ST8SIA3: variants seen among roughly 807,000 people sequenced by gnomAD.
ST8SIA3 encodes ST8 alpha-N-acetyl-neuraminide alpha-2,8-sialyltransferase 3.
A neutral mutation model predicts 34.5 loss-of-function variants in ST8SIA3; 17 were observed. That is an observed-to-expected ratio of 0.49 (90% CI 0.34 to 0.74). The LOEUF (loss-of-function observed/expected upper bound fraction) is 0.74, where lower values mean the gene tolerates loss of function less well. Among genes scored for constraint, ST8SIA3 ranks in the 30% least tolerant of loss-of-function variants. ST8SIA3 has a pLI of 0.01. For missense variants in ST8SIA3, 354 were observed against 467.8 expected (o/e 0.76, Z 2.24); for synonymous variants, 172 against 176.1 (o/e 0.98, Z 0.19).
At chr18:57,353,074 G>C (rs1275511445) in intron 1 of ST8SIA3, 49 bp downstream of exon 1, 3 of 1,586,224 alleles carry the variant, frequency 1.9e-6, no homozygotes, top group African/African-American at 2.7e-5. Flanking sequence ...GGTTGATGGG[G>C]TGTTTGGGGA....
intron 2 of ST8SIA3, among the ~76,000 whole-genome samples, chr18:57,354,873 A>T (rs151027086): frequency 6.1e-4 from 93 of 151,906 alleles, no homozygotes; most frequent in African/African-American, 2.1e-3. Context: ...AAAAAAACAG[A>T]CAAAAGGTTA....
In ST8SIA3 at chr18:57,367,534, A is replaced by AC. The variant is rs2144215260; in HGVS notation, c.*7259dup. 6.5e-6 allele frequency: 1 copy of AC among 152,708 alleles called. No individual in the cohort carries two copies. Among genetic ancestry groups the AC allele is most frequent in the East Asian group, 1.9e-4 (1 of 5,182 alleles). 9.5% of individuals were successfully genotyped at this position (152,708 alleles called of 1,614,324 possible). A position where few individuals can be genotyped will look rare whatever the true frequency, so the allele number is the denominator to read the frequency against. On this transcript the variant is annotated 3_prime_UTR_variant, in exon 4 of 4. Transcript: ENST00000324000. ...GCCTTGTTTTATTATGAACAAATTC[A>AC]CCAGAAAACCATTCTTGAGGAACCA...
chr18:57,367,595 A>G lies in ST8SIA3; in HGVS notation c.*7318A>G, dbSNP rs975951106. 6.6e-6 allele frequency: 1 copy of G among 152,434 alleles called. No individual in the cohort carries two copies. Among genetic ancestry groups the G allele is most frequent in the African/African-American group, 2.4e-5 (1 of 41,456 alleles). 9.4% of individuals were successfully genotyped at this position (152,434 alleles called of 1,614,324 possible). A position where few individuals can be genotyped will look rare whatever the true frequency, so the allele number is the denominator to read the frequency against. Reference sequence around the variant, plus strand: ...TAGCATTTTTAGTCTTAGGGAAGAAAATTGGCAGGGAAGAAAAATTGGCAG... The same window carrying G: ...TAGCATTTTTAGTCTTAGGGAAGAAGATTGGCAGGGAAGAAAAATTGGCAG... On this transcript the variant is annotated 3_prime_UTR_variant, in exon 4 of 4. Coordinates refer to ENST00000324000, the MANE Select transcript of ST8SIA3 (RefSeq NM_015879.3).
chr18:57,356,266 TTCAAC>T (rs543902022), intron 2 of ST8SIA3, among the ~76,000 whole-genome samples: 14 of 152,236 alleles, frequency 9.2e-5, no homozygotes, highest in Non-Finnish European at 1.9e-4. Context: ...ATTAGATTTA[TTCAAC>T]TAAATTGTGT....
chr18:57,361,999 C>T lies in ST8SIA3; in HGVS notation c.*1722C>T, dbSNP rs1180529576. On this transcript the variant is annotated 3_prime_UTR_variant, in exon 4 of 4. Transcript: ENST00000324000. ...CACGTTCTGCCTGGTCCTAAACCTGCCTTATTATTATTTTCAGAAAGCAAT... is the reference window on the plus strand; with the variant it reads ...CACGTTCTGCCTGGTCCTAAACCTGTCTTATTATTATTTTCAGAAAGCAAT... The T allele has an allele frequency of 6.6e-6, 1 of 152,106 alleles. No individual in the cohort carries two copies. Among genetic ancestry groups the T allele is most frequent in the African/African-American group, 2.4e-5 (1 of 41,400 alleles). The allele number at this position is 152,106 out of a possible 1,614,324, so 9.4% of individuals were successfully genotyped here. A position where few individuals can be genotyped will look rare whatever the true frequency, so the allele number is the denominator to read the frequency against.
At position 57,352,851 on chromosome 18, in the gene ST8SIA3, G is replaced by T; in HGVS notation, c.5G>T (p.Arg2Ile). Residue 2 changes from arginine to isoleucine, a missense_variant, in exon 1 of 4, where the codon AGA becomes ATA. Coordinates refer to ENST00000324000, the MANE Select transcript of ST8SIA3 (RefSeq NM_015879.3). ...CTGAACCCAGCCCAGCCCGGGATGA[G>T]AAACTGCAAAATGGCCCGGGTCGCC... M[R>I]NCKMARVASV... 1 of 1,613,500 alleles carries T rather than the reference G, an allele frequency of 6.2e-7. No homozygotes were observed. Among genetic ancestry groups the T allele is most frequent in the South Asian group, 1.1e-5 (1 of 91,044 alleles).
intron 2 of ST8SIA3, among the ~76,000 whole-genome samples, chr18:57,355,009 C>G (rs933410588): frequency 1.3e-5 from 2 of 152,176 alleles, no homozygotes; most frequent in African/African-American, 4.8e-5. Flanking sequence ...TCAAATTACT[C>G]GTGAAAATGC....
Position 57,367,248 on chromosome 18 carries a change from G to A in ST8SIA3, c.*6971G>A, listed in dbSNP as rs1445349521. 6.6e-6 allele frequency: 1 copy of A among 152,220 alleles called. No homozygotes were observed. Among genetic ancestry groups the A allele is most frequent in the East Asian group, 1.9e-4 (1 of 5,198 alleles). The allele number at this position is 152,220 out of a possible 1,614,324, so 9.4% of individuals were successfully genotyped here. ...TAAACTGTAAATGCTTGAAACGCAA[G>A]TTGGACATTTTCTATACTATGTGTA... On this transcript the variant is annotated 3_prime_UTR_variant, in exon 4 of 4. Transcript: ENST00000324000.
Position 57,367,308 on chromosome 18 carries a change from TA to T in ST8SIA3, c.*7033del, listed in dbSNP as rs2144214993. On this transcript the variant is annotated 3_prime_UTR_variant, in exon 4 of 4. Coordinates refer to ENST00000324000, the MANE Select transcript of ST8SIA3 (RefSeq NM_015879.3). ...GTTATACCTCTATTTTCTTTCTTCCTAATGGTCATTGAAATGAGCTTGTTTC... is the reference window on the plus strand; with the variant it reads ...GTTATACCTCTATTTTCTTTCTTCCTATGGTCATTGAAATGAGCTTGTTTC... 6.6e-6 allele frequency: 1 copy of T among 152,502 alleles called. No homozygotes were observed. Among genetic ancestry groups the T allele is most frequent in the South Asian group, 2.1e-4 (1 of 4,830 alleles). The allele number at this position is 152,502 out of a possible 1,614,324, so 9.4% of individuals were successfully genotyped here.
Position 57,368,703 on chromosome 18 carries a change from T to C in ST8SIA3, c.*8426T>C, listed in dbSNP as rs2049874866. On this transcript the variant is annotated 3_prime_UTR_variant, in exon 4 of 4. Transcript: ENST00000324000. ...ACAGAGACCCAAGAGAAGCCAGCAC[T>C]GCTAGACTGAGGAACTTGTAAATAT... The C allele has an allele frequency of 6.6e-6, 1 of 152,176 alleles. No homozygotes were observed. The highest frequency in any genetic ancestry group is 6.5e-5 in the Admixed American group (1 of 15,276). The allele number at this position is 152,176 out of a possible 1,614,324, so 9.4% of individuals were successfully genotyped here.
chr18:57,358,851 C>T (rs1026937680), intron 3 of ST8SIA3, among the ~76,000 whole-genome samples: 9 of 152,182 alleles, frequency 5.9e-5, no homozygotes, highest in South Asian at 2.1e-4. Context: ...TATTTTGCTC[C>T]CCTTTTGTTC....
At position 57,352,732 on chromosome 18, in the gene ST8SIA3, TCACACACA is replaced by T. The variant is rs59006823; in HGVS notation, c.-84_-77del. 0.019 allele frequency: 7,291 copies of T among 389,528 alleles called. 142 individuals are homozygous for T. The highest frequency in any genetic ancestry group is 0.073 in the African/African-American group (2,800 of 38,380). 24.1% of individuals were successfully genotyped at this position (389,528 alleles called of 1,614,324 possible). ...CCTCCTCCGCCACACGCGCGCGCGC[TCACACACA>T]CACACACACACACACACACACACAC... On this transcript the variant is annotated 5_prime_UTR_variant, in exon 1 of 4. Transcript: ENST00000324000.
In ST8SIA3 at chr18:57,367,851, T is replaced by C. The variant is rs2049869268; in HGVS notation, c.*7574T>C. On this transcript the variant is annotated 3_prime_UTR_variant, in exon 4 of 4. Coordinates refer to ENST00000324000, the MANE Select transcript of ST8SIA3 (RefSeq NM_015879.3). The stretch of plus-strand genomic sequence containing the variant: ...TTACAGCCAAGAGCCCTGGGAGGAG[T>C]TGAGTAACAGGCTGAGATCCGGTCA... 1 of 152,344 alleles carries C rather than the reference T, an allele frequency of 6.6e-6. No homozygotes were observed. Among genetic ancestry groups the C allele is most frequent in the Non-Finnish European group, 1.5e-5 (1 of 68,004 alleles). The allele number at this position is 152,344 out of a possible 1,614,324, so 9.4% of individuals were successfully genotyped here.
At chr18:57,353,645 G>GGAAGGGCCGCCCACCC (rs971313548) in intron 1 of ST8SIA3, among the ~76,000 whole-genome samples, 19 of 151,992 alleles carry the variant, frequency 1.3e-4, no homozygotes, top group Non-Finnish European at 1.9e-4. Context: ...AGCGAGCCTC[G>GGAAGGGCCGCCCACCC]GAAGGGCCGC....
In ST8SIA3 at chr18:57,362,717, C is replaced by T. The variant is rs899170049; in HGVS notation, c.*2440C>T. 3.3e-5 allele frequency: 5 copies of T among 152,152 alleles called. No homozygotes were observed. The highest frequency in any genetic ancestry group is 6.5e-5 in the Admixed American group (1 of 15,270). 9.4% of individuals were successfully genotyped at this position (152,152 alleles called of 1,614,324 possible). On this transcript the variant is annotated 3_prime_UTR_variant, in exon 4 of 4. Transcript: ENST00000324000. ...ACTTGAGGGGTTTAGAGATCAGGCT[C>T]ATCTCTGCTTATAAGGAGGACTTCC...
rs2049824989 is a variant in ST8SIA3, at chr18:57,360,636, C to T, written c.*359C>T. ...GCTCTGCTCAGATAGTCCTCATAATCAGAGGCCTCTGGCCAACTGGGGCAG... is the reference window on the plus strand; with the variant it reads ...GCTCTGCTCAGATAGTCCTCATAATTAGAGGCCTCTGGCCAACTGGGGCAG... On this transcript the variant is annotated 3_prime_UTR_variant, in exon 4 of 4. Coordinates refer to ENST00000324000, the MANE Select transcript of ST8SIA3 (RefSeq NM_015879.3). 1 of 189,408 alleles carries T rather than the reference C, an allele frequency of 5.3e-6. No homozygotes were observed. The highest frequency in any genetic ancestry group is 1.1e-5 in the Non-Finnish European group (1 of 91,296). The allele number at this position is 189,408 out of a possible 1,614,324, so 11.7% of individuals were successfully genotyped here.
chr18:57,352,835 G>A lies in ST8SIA3; in HGVS notation c.-12G>A, dbSNP rs775607678. ...GATTTCCCCGGTTTCCCTGAACCCAGCCCAGCCCGGGATGAGAAACTGCAA... is the reference window on the plus strand; with the variant it reads ...GATTTCCCCGGTTTCCCTGAACCCAACCCAGCCCGGGATGAGAAACTGCAA... On this transcript the variant is annotated 5_prime_UTR_variant, in exon 1 of 4. Coordinates refer to ENST00000324000, the MANE Select transcript of ST8SIA3 (RefSeq NM_015879.3). 1 of 1,612,106 alleles carries A rather than the reference G, an allele frequency of 6.2e-7. No homozygotes were observed. Among genetic ancestry groups the A allele is most frequent in the East Asian group, 2.2e-5 (1 of 44,818 alleles).
Position 57,366,380 on chromosome 18 carries a change from A to G in ST8SIA3, c.*6103A>G, listed in dbSNP as rs982623870. 6.6e-6 allele frequency: 1 copy of G among 152,520 alleles called. No individual in the cohort carries two copies. Among genetic ancestry groups the G allele is most frequent in the African/African-American group, 2.4e-5 (1 of 41,404 alleles). The allele number at this position is 152,520 out of a possible 1,614,324, so 9.4% of individuals were successfully genotyped here. ...GGAGATTACCAACTGTGGCTTTTCTAATTTCTAAGGGTGACCCTCCAGGAA... is the reference window on the plus strand; with the variant it reads ...GGAGATTACCAACTGTGGCTTTTCTGATTTCTAAGGGTGACCCTCCAGGAA... On this transcript the variant is annotated 3_prime_UTR_variant, in exon 4 of 4. Transcript: ENST00000324000.
At position 57,361,699 on chromosome 18, in the gene ST8SIA3, T is replaced by C. The variant is rs2049831647; in HGVS notation, c.*1422T>C. The C allele has an allele frequency of 1.3e-5, 2 of 152,644 alleles. No homozygotes were observed. The highest frequency in any genetic ancestry group is 3.8e-4 in the East Asian group (2 of 5,202). 9.5% of individuals were successfully genotyped at this position (152,644 alleles called of 1,614,324 possible). On this transcript the variant is annotated 3_prime_UTR_variant, in exon 4 of 4. Transcript: ENST00000324000. ...CTTTTTACTGAGCAGCACTTTGTTC[T>C]TCCAATTCAGCCCAACGTCTGGCCA...
Sources: allele counts gnomAD v4.1 joint callset (sites outside exome capture counted in the v4.1 genomes callset), GRCh38; gene constraint gnomAD v4.1.1; transcripts MANE v1.5; gene names NCBI Gene and HGNC (gene_info 2026-07-23, HGNC 2026-07-21).